KIF9: variants seen among roughly 807,000 people sequenced by gnomAD.
The protein encoded by KIF9 is kinesin family member 9, also known as kinesin-like protein KIF9.
In KIF9, 68 loss-of-function variants were observed where a neutral mutation model predicts 94.8. That is an observed-to-expected ratio of 0.72 (90% confidence interval 0.59 to 0.88). The LOEUF (loss-of-function observed/expected upper bound fraction) is 0.88, where lower values mean the gene tolerates loss of function less well. Among genes scored for constraint, KIF9 ranks in the 40% least tolerant of loss-of-function variants. KIF9 has a pLI of 0.00. For missense variants in KIF9, 882 were observed against 982.5 expected, an observed-to-expected ratio of 0.90 and a Z score of 1.37; for synonymous variants, 343 against 362.1, an observed-to-expected ratio of 0.95 and a Z score of 0.60.
intron 4 of KIF9, among the ~76,000 whole-genome samples, chr3:47,273,058 T>C (rs1049842559): frequency 3.3e-5 from 5 of 152,182 alleles, no homozygotes; most frequent in Non-Finnish European, 7.3e-5. Flanking sequence ...TCTTCAGTTA[T>C]GCTATTGAGA....
chr3:47,234,030 G>A (rs1698817522), intron 20 of KIF9, among the ~76,000 whole-genome samples: 1 of 151,596 alleles, frequency 6.6e-6, no homozygotes. Flanking sequence ...TTGCAGTGAG[G>A]TGAGGACACG....
intron 20 of KIF9, among the ~76,000 whole-genome samples, chr3:47,230,279 C>CAA (rs374194307): frequency 9.8e-4 from 83 of 84,896 alleles, no homozygotes; most frequent in South Asian, 2.9e-3. Context: ...AAGACCTTGT[C>CAA]AAAAAAAAAA....
chr3:47,235,876 G>A (rs918883076), intron 19 of KIF9, among the ~76,000 whole-genome samples, 158 bp downstream of exon 19: 6 of 152,182 alleles, frequency 3.9e-5, no homozygotes, highest in African/African-American at 1.2e-4. Flanking sequence ...CTTGATAACC[G>A]AGGAGAGACC....
chr3:47,277,150 T>C (rs1702028119), intron 2 of KIF9, 132 bp downstream of exon 2: 1 of 484,744 alleles, frequency 2.1e-6, no homozygotes, highest in Non-Finnish European at 3.7e-6. Flanking sequence ...TTGGATTTGA[T>C]GGGCTCTAGA....
At chr3:47,277,405 T>C (rs1244969316) in intron 1 of KIF9, 26 bp from the exon 2 acceptor site, 1 of 1,492,802 alleles carries the variant, frequency 6.7e-7, no homozygotes, top group Non-Finnish European at 9.3e-7. Flanking sequence ...CAATGAAATT[T>C]TGAGTAGTCA....
rs1439869531 is a variant in KIF9, at chr3:47,228,621, T to A, written c.*31A>T. On this transcript the variant is annotated 3_prime_UTR_variant, in exon 21 of 21. Coordinates refer to ENST00000684063, the MANE Select transcript of KIF9 (RefSeq NM_182902.4). Reference sequence around the variant, plus strand: ...CACTACAGTAGGTGGGAGTTGCTGGTCTTGTCCTTTAAGGTACTGGCGATG... The same window carrying A: ...CACTACAGTAGGTGGGAGTTGCTGGACTTGTCCTTTAAGGTACTGGCGATG... The A allele has an allele frequency of 6.3e-7, 1 of 1,597,812 alleles. No individual in the cohort carries two copies. Among genetic ancestry groups the A allele is most frequent in the East Asian group, 2.2e-5 (1 of 44,808 alleles).
At chr3:47,229,737 ATT>A (rs879766213) in intron 20 of KIF9, among the ~76,000 whole-genome samples, 1 of 145,674 alleles carries the variant, frequency 6.9e-6, no homozygotes, top group African/African-American at 2.5e-5. Context: ...ATGATTTAGA[ATT>A]TTTTTTTTTT....
intron 1 of KIF9, among the ~76,000 whole-genome samples, chr3:47,279,780 C>T (rs1702216756): frequency 6.6e-6 from 1 of 151,846 alleles, no homozygotes; most frequent in East Asian, 2.0e-4. Context: ...CCAAGCCCCG[C>T]TAATTTTTCT....
At chr3:47,232,980 C>CA (rs1162797241) in intron 20 of KIF9, among the ~76,000 whole-genome samples, 532 of 48,056 alleles carry the variant, frequency 0.011, 4 homozygotes, top group African/African-American at 0.02. Flanking sequence ...GACTCCATCT[C>CA]AAAAAAAAAA....
chr3:47,254,212 C>A (rs1255326696), intron 10 of KIF9, among the ~76,000 whole-genome samples: 3 of 152,214 alleles, frequency 2.0e-5, no homozygotes, highest in African/African-American at 7.2e-5. Context: ...AATGCCAGCA[C>A]TCTGGGAGGC....
At chr3:47,244,529 A>G in intron 15 of KIF9, 1 of 432,170 alleles carries the variant, frequency 2.3e-6, no homozygotes, top group Non-Finnish European at 4.2e-6. Context: ...CCCCTCTCTA[A>G]GCCTCTGTTT....
At chr3:47,264,035 C>T (rs545571755) in intron 9 of KIF9, 7 of 560,460 alleles carry the variant, frequency 1.2e-5, no homozygotes, top group South Asian at 1.1e-4. Context: ...TCTCAGCCTC[C>T]CTCCTCACAC....
At chr3:47,248,266 A>G (rs1425919080) in intron 10 of KIF9, 180 bp from the exon 11 acceptor site, 1 of 601,574 alleles carries the variant, frequency 1.7e-6, no homozygotes, top group African/African-American at 1.9e-5. Context: ...ACTCTTCCCT[A>G]ACTGGGGTGA....
At chr3:47,259,054 A>C (rs1371336064) in intron 9 of KIF9, among the ~76,000 whole-genome samples, 1 of 152,104 alleles carries the variant, frequency 6.6e-6, no homozygotes, top group Non-Finnish European at 1.5e-5. Context: ...CATTCCTGGG[A>C]GGGCAGATGC....
Position 47,273,617 on chromosome 3 carries a change from A to G in KIF9, c.301T>C (p.Tyr101His). ...TTCTCAGTTGCCCCCATCATGGTGTATGTCTTGCCAGCTCCCGTCTGCCCA... is the reference window on the plus strand; with the variant it reads ...TTCTCAGTTGCCCCCATCATGGTGTGTGTCTTGCCAGCTCCCGTCTGCCCA... The part of the protein sequence containing the change: ...CYGQTGAGKT[Y>H]TMMGATENYK... The change falls in exon 4 of 21, where the codon TAC becomes CAC. Residue 101 changes from tyrosine (Y) to histidine (H), a missense_variant. Transcript: ENST00000684063. The G allele has an allele frequency of 1.2e-6, 2 of 1,614,084 alleles. No homozygotes were observed. Among genetic ancestry groups the G allele is most frequent in the Non-Finnish European group, 1.7e-6 (2 of 1,179,992 alleles).
chr3:47,275,466 CT>C lies in KIF9; in HGVS notation c.117del (p.Asp40ThrfsTer64). 5 of 1,609,148 alleles carry C rather than the reference CT, an allele frequency of 3.1e-6. No homozygotes were observed. The highest frequency in any genetic ancestry group is 1.7e-5 in the Admixed American group (1 of 58,534). On this transcript the variant is annotated frameshift_variant, in exon 3 of 21. Coordinates refer to ENST00000684063, the MANE Select transcript of KIF9 (RefSeq NM_182902.4). LOFTEE classifies it high-confidence loss of function. Reference protein sequence around the residue: ...DKRSIDIHLKKDIRRGVVNNQ... With the variant: ...DKRSIDIHLKXDIRRGVVNNQ... ...TTATTGACAACTCCTCTCCGAATGTCTTTTTTTAAGTGAATATCAATGCTCT... is the reference window on the plus strand; with the variant it reads ...TTATTGACAACTCCTCTCCGAATGTCTTTTTTAAGTGAATATCAATGCTCT...
At chr3:47,244,537 T>C (rs1575970203) in intron 15 of KIF9, 2 of 455,342 alleles carry the variant, frequency 4.4e-6, no homozygotes, top group East Asian at 7.4e-5. Flanking sequence ...TAAGCCTCTG[T>C]TTCTTCATCA....
intron 5 of KIF9, among the ~76,000 whole-genome samples, chr3:47,268,589 T>C (rs1355765525): frequency 6.6e-6 from 1 of 151,246 alleles, no homozygotes. Context: ...TTCTTCTTTT[T>C]TTTTTTTTTT....
rs1185364014 is a variant in KIF9, at chr3:47,280,850, CCTGCAATAAAGT to C, written c.-6+1633_-6+1644del. The stretch of plus-strand genomic sequence containing the variant: ...CCAAGCAGGCCAGGAGCCATATCCA[CCTGCAATAAAGT>C]CTTCCTTTGCACACCCGTCTTGTGA... On this transcript the variant is annotated intron_variant, in intron 1 of 20. Transcript: ENST00000684063. 8 of 698,066 alleles carry C rather than the reference CCTGCAATAAAGT, an allele frequency of 1.1e-5. No homozygotes were observed. In the Admixed American group the frequency reaches 1.2e-4, roughly 11 times the overall value. The allele number at this position is 698,066 out of a possible 1,614,324, so 43.2% of individuals were successfully genotyped here. A position where few individuals can be genotyped will look rare whatever the true frequency, so the allele number is the denominator to read the frequency against.
Sources: gnomAD v4.1 joint callset for allele counts (sites outside exome capture counted in the v4.1 genomes callset) on GRCh38, gnomAD v4.1.1 for gene constraint, MANE v1.5 for transcripts, NCBI Gene and HGNC (gene_info 2026-07-23, HGNC 2026-07-21) for gene names.